CACNA1E: variants seen among roughly 807,000 people sequenced by gnomAD.
CACNA1E encodes voltage-dependent R-type calcium channel subunit alpha-1E.
A neutral mutation model predicts 259.2 loss-of-function variants in CACNA1E; 40 were observed. The ratio of observed to expected loss-of-function variants is 0.15; its 90% CI spans 0.12 to 0.20. The LOEUF (loss-of-function observed/expected upper bound fraction) is 0.20, where lower values mean the gene tolerates loss of function less well. Ranked by LOEUF, CACNA1E falls within the 10% of genes least tolerant of loss-of-function variation. The probability of loss-of-function intolerance (pLI) is 1.00; values close to 1 mark genes in which losing one functional copy is unlikely to be tolerated. For synonymous variants in CACNA1E, 1,104 were observed against 1,138.5 expected (o/e 0.97, Z 0.61); for missense variants, 1,874 against 3,040.1 (o/e 0.62, Z 9.02).
At chr1:181,723,604 A>C (rs1654611871) in intron 16 of CACNA1E, among the ~76,000 whole-genome samples, 1 of 152,090 alleles carries the variant, frequency 6.6e-6, no homozygotes, top group South Asian at 2.1e-4. Context: ...TCAATCCCCA[A>C]GACTGCCCCT....
intron 18 of CACNA1E, among the ~76,000 whole-genome samples, chr1:181,726,827 G>T (rs1323477890): frequency 6.6e-6 from 1 of 151,980 alleles, no homozygotes; most frequent in African/African-American, 2.4e-5. Context: ...GGTAATGGGG[G>T]TTTAGACTAG....
rs1239455551 is a variant in CACNA1E at position 181,806,983 on chromosome 1, GTTTTC to G, written c.*8154_*8158del. ...CCCAAGGACATCCTGGCTCTGAAAG[GTTTTC>G]TTTTGTTAAAAAATGCACTTTGTGC... On this transcript the variant is annotated 3_prime_UTR_variant, in exon 48 of 48. Coordinates refer to ENST00000367573, the MANE Select transcript of CACNA1E (RefSeq NM_001205293.3). 6.6e-6 allele frequency: 1 copy of G among 152,030 alleles called. No homozygotes were observed. The highest frequency in any genetic ancestry group is 2.4e-5 in the African/African-American group (1 of 41,380). 9.4% of individuals were successfully genotyped at this position (152,030 alleles called of 1,614,324 possible). A position where few individuals can be genotyped will look rare whatever the true frequency, so the allele number is the denominator to read the frequency against.
At chr1:181,763,980 T>C (rs1331456891) in intron 34 of CACNA1E, among the ~76,000 whole-genome samples, 3 of 152,200 alleles carry the variant, frequency 2.0e-5, no homozygotes, top group African/African-American at 7.2e-5. Flanking sequence ...TTGTGTTTCA[T>C]AGAGAGATGA....
chr1:181,320,944 T>C (rs1324497436), intron 1 of CACNA1E, among the ~76,000 whole-genome samples: 1 of 152,172 alleles, frequency 6.6e-6, no homozygotes, highest in East Asian at 1.9e-4. Flanking sequence ...CTGCAGGCTG[T>C]ACAAGAAGCA....
intron 3 of CACNA1E, among the ~76,000 whole-genome samples, chr1:181,523,646 T>C (rs548281933): frequency 7.2e-5 from 11 of 152,316 alleles, no homozygotes; most frequent in African/African-American, 2.2e-4. Flanking sequence ...TAAGGGGCTA[T>C]AGTAATTGAA....
intron 1 of CACNA1E, among the ~76,000 whole-genome samples, chr1:181,492,585 C>T (rs1664409391): frequency 6.6e-6 from 1 of 152,154 alleles, no homozygotes; most frequent in Non-Finnish European, 1.5e-5. Context: ...ACTAATAGCT[C>T]AGCAGGCTTT....
intron 1 of CACNA1E, among the ~76,000 whole-genome samples, chr1:181,400,735 C>G (rs759585505): frequency 6.6e-6 from 1 of 152,170 alleles, no homozygotes; most frequent in Admixed American, 6.5e-5. Context: ...GGCTCTCTCT[C>G]TCTGCCTCTC....
At chr1:181,333,053 G>T (rs1025376160) in intron 1 of CACNA1E, among the ~76,000 whole-genome samples, 3 of 152,128 alleles carry the variant, frequency 2.0e-5, no homozygotes, top group Non-Finnish European at 4.4e-5. Flanking sequence ...GTTTCCATCC[G>T]CTGTGTGCTA....
intron 1 of CACNA1E, among the ~76,000 whole-genome samples, chr1:181,351,360 G>A (rs1056124001): frequency 2.0e-5 from 3 of 152,196 alleles, no homozygotes; most frequent in African/African-American, 7.2e-5. Context: ...GTGGGGAGAA[G>A]AATGGTCCTA....
At chr1:181,422,087 A>G (rs747610170) in intron 2 of CACNA1E, among the ~76,000 whole-genome samples, 15 of 152,180 alleles carry the variant, frequency 9.9e-5, no homozygotes, top group East Asian at 1.9e-4. Flanking sequence ...CCAGATCTCA[A>G]CAGGGTTGGT....
At chr1:181,674,792 C>G (rs544101670) in intron 7 of CACNA1E, among the ~76,000 whole-genome samples, 1 of 152,164 alleles carries the variant, frequency 6.6e-6, no homozygotes. Flanking sequence ...GAGTGCCACC[C>G]CTCTAGCAGC....
At chr1:181,739,031 C>T (rs1184005998) in intron 24 of CACNA1E, 116 bp from the exon 25 acceptor site, 6 of 755,874 alleles carry the variant, frequency 7.9e-6, no homozygotes, top group Non-Finnish European at 1.4e-5. Context: ...CAGGTCCTAG[C>T]ATAGGGTTGG....
intron 3 of CACNA1E, among the ~76,000 whole-genome samples, chr1:181,527,549 A>C (rs760815489): frequency 1.1e-4 from 17 of 152,370 alleles, no homozygotes; most frequent in Middle Eastern, 3.4e-3. Context: ...CTCACTTGAT[A>C]ATATTAAAGT....
intron 7 of CACNA1E, among the ~76,000 whole-genome samples, chr1:181,696,747 G>A (rs1232916791): frequency 1.3e-5 from 2 of 152,158 alleles, no homozygotes; most frequent in African/African-American, 4.8e-5. Flanking sequence ...TTTCAGATAA[G>A]AATGGAGTAA....
intron 7 of CACNA1E, among the ~76,000 whole-genome samples, chr1:181,670,868 T>C (rs780823507): frequency 1.3e-5 from 2 of 152,144 alleles, no homozygotes; most frequent in East Asian, 1.9e-4. Flanking sequence ...AGTGACCAAA[T>C]ATAATATGAG....
intron 2 of CACNA1E, among the ~76,000 whole-genome samples, chr1:181,455,557 C>T (rs1432745188): frequency 1.3e-5 from 2 of 152,194 alleles, no homozygotes; most frequent in East Asian, 1.9e-4. Flanking sequence ...ATCTTTGGCT[C>T]CTTTCAATTA....
At chr1:181,750,355 T>C (rs1335279594) in intron 25 of CACNA1E, 121 bp from the exon 26 acceptor site, 3 of 801,008 alleles carry the variant, frequency 3.7e-6, no homozygotes, top group Non-Finnish European at 6.2e-6. Context: ...TTCCCTATCA[T>C]TGTAGGGTTC....
At chr1:181,701,651 G>C (rs547380760) in intron 7 of CACNA1E, among the ~76,000 whole-genome samples, 1 of 152,280 alleles carries the variant, frequency 6.6e-6, no homozygotes, top group East Asian at 1.9e-4. Flanking sequence ...ACTCTTGAAA[G>C]CCTTTATTTT....
At chr1:181,718,289 A>T in intron 12 of CACNA1E, 122 bp downstream of exon 12, 1 of 597,120 alleles carries the variant, frequency 1.7e-6, no homozygotes, top group Non-Finnish European at 3.0e-6. Flanking sequence ...AGCGGAATAG[A>T]TAAGATTAGC....
Sources: allele counts gnomAD v4.1 joint callset (sites outside exome capture counted in the v4.1 genomes callset), GRCh38; gene constraint gnomAD v4.1.1; transcripts MANE v1.5; gene names NCBI Gene and HGNC (gene_info 2026-07-23, HGNC 2026-07-21).